Variants in NEDD4L observed in about 807,000 individuals in gnomAD.
NEDD4L encodes NEDD4 like E3 ubiquitin protein ligase, also known as E3 ubiquitin-protein ligase NEDD4-like.
In NEDD4L, 54 loss-of-function variants were observed where a neutral mutation model predicts 148.9. The observed-to-expected ratio is 0.36, with a 90% CI of 0.29 to 0.45. The LOEUF (loss-of-function observed/expected upper bound fraction) is 0.45. Ranked by LOEUF, NEDD4L falls within the 20% of genes least tolerant of loss-of-function variation. NEDD4L has a pLI of 1.00. For synonymous variants in NEDD4L, 433 were observed against 440.7 expected, an observed-to-expected ratio of 0.98 and a Z score of 0.22; for missense variants, 856 against 1,233.8, an observed-to-expected ratio of 0.69 and a Z score of 4.59.
At chr18:58,353,852 C>G (rs567290341) in intron 18 of NEDD4L, among the ~76,000 whole-genome samples, 1 of 152,170 alleles carries the variant, frequency 6.6e-6, no homozygotes, top group South Asian at 2.1e-4. Flanking sequence ...CCGTGAGTGC[C>G]GTCATCTTGT....
intron 4 of NEDD4L, among the ~76,000 whole-genome samples, chr18:58,251,511 G>C (rs889023027): frequency 2.0e-5 from 3 of 151,852 alleles, no homozygotes; most frequent in Non-Finnish European, 2.9e-5. Flanking sequence ...AAGACCGTCT[G>C]TCTCTGTCTG....
At chr18:58,166,020 C>T (rs2036806670) in intron 2 of NEDD4L, among the ~76,000 whole-genome samples, 159 bp downstream of exon 2, 1 of 152,228 alleles carries the variant, frequency 6.6e-6, no homozygotes, top group African/African-American at 2.4e-5. Flanking sequence ...GCTGGCCCAG[C>T]TGGTTCCAGG....
intron 1 of NEDD4L, among the ~76,000 whole-genome samples, chr18:58,151,623 A>ATGTGTGTGTGTGTGTGTGTGTGTGTG (rs1491376739): frequency 1.8e-5 from 1 of 56,604 alleles, no homozygotes; most frequent in African/African-American, 6.6e-5. Flanking sequence ...CTGTGCCTGG[A>ATGTGTGTGTGTGTGTGTGTGTGTGTG]TATGTGTGTG....
intron 27 of NEDD4L, chr18:58,388,797 C>T (rs961426730): frequency 2.0e-5 from 8 of 397,066 alleles, no homozygotes; most frequent in African/African-American, 1.2e-4. Context: ...AGGTCCCATG[C>T]GTAAGACTAG....
At chr18:58,174,802 C>T (rs2037935846) in intron 2 of NEDD4L, among the ~76,000 whole-genome samples, 1 of 152,056 alleles carries the variant, frequency 6.6e-6, no homozygotes. Flanking sequence ...CCCCAGGTGA[C>T]CAGCAAGTAA....
chr18:58,059,139 G>A (rs917683697), intron 1 of NEDD4L, among the ~76,000 whole-genome samples: 4 of 151,946 alleles, frequency 2.6e-5, no homozygotes, highest in Admixed American at 2.6e-4. Flanking sequence ...ATGTTGGCCA[G>A]GCTGGCCTCT....
At chr18:58,131,140 T>A (rs2032061859) in intron 1 of NEDD4L, among the ~76,000 whole-genome samples, 1 of 147,702 alleles carries the variant, frequency 6.8e-6, no homozygotes, top group Non-Finnish European at 1.5e-5. Flanking sequence ...CTGGATTTGG[T>A]TGGTTGTGAT....
chr18:58,320,698 C>T (rs190017278), intron 6 of NEDD4L, among the ~76,000 whole-genome samples: 1 of 152,168 alleles, frequency 6.6e-6, no homozygotes, highest in Admixed American at 6.5e-5. Flanking sequence ...ACCTGTGGTC[C>T]CAGCTACTTG....
At chr18:58,219,049 G>T (rs1456352189) in intron 2 of NEDD4L, among the ~76,000 whole-genome samples, 1 of 152,180 alleles carries the variant, frequency 6.6e-6, no homozygotes, top group Non-Finnish European at 1.5e-5. Context: ...AAGACTTCCA[G>T]CATTCCCTCC....
At chr18:58,221,163 C>T (rs761242570) in intron 2 of NEDD4L, among the ~76,000 whole-genome samples, 3 of 152,086 alleles carry the variant, frequency 2.0e-5, no homozygotes, top group East Asian at 1.9e-4. Flanking sequence ...TGTGGGGCCT[C>T]GAGGGCCAGA....
chr18:58,108,089 G>T (rs1187017620), intron 1 of NEDD4L, among the ~76,000 whole-genome samples: 1 of 152,210 alleles, frequency 6.6e-6, no homozygotes, highest in African/African-American at 2.4e-5. Flanking sequence ...CAGACCCATT[G>T]TGGGATGCAC....
chr18:58,204,941 A>G (rs534038175), intron 2 of NEDD4L, among the ~76,000 whole-genome samples: 33 of 152,336 alleles, frequency 2.2e-4, no homozygotes, highest in African/African-American at 7.5e-4. Context: ...AAAAAATGGC[A>G]GGGGAGGAAC....
At chr18:58,101,134 T>C (rs2084729297) in intron 1 of NEDD4L, among the ~76,000 whole-genome samples, 1 of 152,196 alleles carries the variant, frequency 6.6e-6, no homozygotes, top group Non-Finnish European at 1.5e-5. Context: ...TTATGGGTTA[T>C]GGAAGTTTAG....
At chr18:58,314,356 G>A (rs2058037949) in intron 5 of NEDD4L, among the ~76,000 whole-genome samples, 1 of 151,358 alleles carries the variant, frequency 6.6e-6, no homozygotes, top group African/African-American at 2.4e-5. Flanking sequence ...GGCGGAGGTT[G>A]CAGTGAGCTG....
rs559212016 is a variant in NEDD4L, at chr18:58,316,806, T to A, written c.348+774T>A. Among the ~76,000 whole-genome samples, 23 of 152,338 alleles carry A rather than the reference T, an allele frequency of 1.5e-4. No individual in the cohort carries two copies. In the South Asian group the frequency reaches 4.8e-3, roughly 32 times the overall value. On this transcript the variant is annotated intron_variant, in intron 6 of 30. Transcript: ENST00000400345. Reference sequence around the variant, plus strand: ...TGTCCCAGCCTTCCTCCTGGCCTTCTTCCCTGGGCAGCACAACGACGTGAT... The same window carrying A: ...TGTCCCAGCCTTCCTCCTGGCCTTCATCCCTGGGCAGCACAACGACGTGAT...
At chr18:58,214,161 C>T (rs1356673496) in intron 2 of NEDD4L, among the ~76,000 whole-genome samples, 1 of 135,102 alleles carries the variant, frequency 7.4e-6, no homozygotes, top group African/African-American at 2.6e-5. Context: ...TGATAAATCA[C>T]CTGATCGCTG....
At chr18:58,303,736 C>T (rs1198550603) in intron 5 of NEDD4L, among the ~76,000 whole-genome samples, 3 of 152,146 alleles carry the variant, frequency 2.0e-5, no homozygotes, top group East Asian at 1.9e-4. Context: ...CATCCTGACC[C>T]GTGGTAGAGA....
intron 1 of NEDD4L, among the ~76,000 whole-genome samples, chr18:58,123,611 G>A (rs775385132): frequency 6.6e-6 from 1 of 152,140 alleles, no homozygotes; most frequent in Non-Finnish European, 1.5e-5. Flanking sequence ...TCTTCAGATC[G>A]GCTGTCATCA....
At chr18:58,076,462 G>A (rs993693174) in intron 1 of NEDD4L, among the ~76,000 whole-genome samples, 2 of 152,180 alleles carry the variant, frequency 1.3e-5, no homozygotes, top group African/African-American at 4.8e-5. Flanking sequence ...ATTAGGCAAG[G>A]TGGTAAGTTT....
Sources: allele counts gnomAD v4.1 joint callset (sites outside exome capture counted in the v4.1 genomes callset), GRCh38; gene constraint gnomAD v4.1.1; transcripts MANE v1.5; gene names NCBI Gene and HGNC (gene_info 2026-07-23, HGNC 2026-07-21).